Variants in PAX7 observed in about 807,000 individuals in gnomAD.
PAX7 encodes the protein paired box 7.
PAX7 carries 18 observed loss-of-function variants against 50.7 expected under a neutral mutation model. The ratio of observed to expected loss-of-function variants is 0.36; its 90% CI spans 0.25 to 0.53. PAX7 has a LOEUF of 0.53. Among genes scored for constraint, PAX7 ranks in the 20% least tolerant of loss-of-function variants. The probability of loss-of-function intolerance (pLI) is 0.93; values close to 1 mark genes in which losing one functional copy is unlikely to be tolerated. For missense variants in PAX7, 644 were observed against 702.9 expected (o/e 0.92, Z 0.95); for synonymous variants, 310 against 290.4 (o/e 1.07, Z -0.69).
chr1:18,647,999 C>T (rs545760855), intron 4 of PAX7, among the ~76,000 whole-genome samples: 54 of 152,202 alleles, frequency 3.5e-4, no homozygotes, highest in Non-Finnish European at 7.1e-4. Context: ...TCCTGGAGCC[C>T]AGTAGACACT....
At chr1:18,676,334 G>A (rs2088820876) in intron 4 of PAX7, among the ~76,000 whole-genome samples, 2 of 152,106 alleles carry the variant, frequency 1.3e-5, no homozygotes, top group African/African-American at 4.8e-5. Context: ...ATCCAGGCCA[G>A]CTGGAGAGGG....
intron 4 of PAX7, among the ~76,000 whole-genome samples, chr1:18,661,377 C>G (rs988185954): frequency 1.1e-4 from 16 of 152,186 alleles, no homozygotes; most frequent in Non-Finnish European, 2.1e-4. Context: ...GATCTCTCCT[C>G]CCACCCCAAA....
intron 4 of PAX7, among the ~76,000 whole-genome samples, chr1:18,646,592 G>C (rs2088343033): frequency 6.6e-6 from 1 of 152,076 alleles, no homozygotes; most frequent in Non-Finnish European, 1.5e-5. Context: ...TCCCCGGGGC[G>C]CCCCCTCCCC....
intron 7 of PAX7, among the ~76,000 whole-genome samples, chr1:18,713,376 G>A (rs1267735078): frequency 1.3e-5 from 2 of 152,166 alleles, no homozygotes; most frequent in African/African-American, 2.4e-5. Context: ...TTATAACTAG[G>A]TGTCTGGCAG....
chr1:18,648,325 C>T, intron 4 of PAX7, among the ~76,000 whole-genome samples: 1 of 148,864 alleles, frequency 6.7e-6, no homozygotes, highest in East Asian at 2.0e-4. Flanking sequence ...ATTCACTCTA[C>T]TACTTTATTT....
intron 4 of PAX7, among the ~76,000 whole-genome samples, chr1:18,652,559 G>A (rs905830685): frequency 2.0e-5 from 3 of 152,288 alleles, no homozygotes; most frequent in South Asian, 2.1e-4. Flanking sequence ...GGTGATATTT[G>A]ACCTGAAACC....
intron 4 of PAX7, among the ~76,000 whole-genome samples, chr1:18,656,240 T>A (rs2088517824): frequency 6.6e-6 from 1 of 152,210 alleles, no homozygotes; most frequent in Non-Finnish European, 1.5e-5. Context: ...ACGCCTGTAA[T>A]CCCAGCACTT....
At position 18,634,981 on chromosome 1, in the gene PAX7, G is replaced by A. The variant is rs539584877; in HGVS notation, c.322-130G>A. The A allele has an allele frequency of 1.7e-6, 2 of 1,164,376 alleles. No homozygotes were observed. Among genetic ancestry groups the A allele is most frequent in the Non-Finnish European group, 2.4e-6 (2 of 839,184 alleles). The allele number at this position is 1,164,376 out of a possible 1,614,324, so 72.1% of individuals were successfully genotyped here. ...CTTGAAAGGATAAAGCCAATCTCTT[G>A]GGGGATGGGGGGACACAAGGTAACC... On this transcript the variant is annotated intron_variant, in intron 2 of 8. Coordinates refer to ENST00000420770, the MANE Select transcript of PAX7 (RefSeq NM_001135254.2). The surrounding 1 kb of genome is among the most constrained non-coding windows in gnomAD (Gnocchi z 4.0).
chr1:18,634,404 G>A lies in PAX7; in HGVS notation c.187G>A (p.Ala63Thr). Residue 63 changes from alanine (A) to threonine (T), a missense_variant, in exon 2 of 9, where the codon GCC becomes ACC. Ala to Thr is a moderately conservative substitution (Grantham distance 58, BLOSUM62 0). Transcript: ENST00000420770. The surrounding 1 kb of genome is among the most constrained non-coding windows in gnomAD (Gnocchi z 4.0). ...NHIRHKIVEM[A>T]HHGIRPCVIS... ...CATCCGCCACAAGATAGTGGAGATG[G>A]CCCACCATGGCATCCGGCCCTGTGT... 6.2e-7 allele frequency: 1 copy of A among 1,614,156 alleles called. No individual in the cohort carries two copies.
At chr1:18,689,168 G>A (rs558854554) in intron 4 of PAX7, among the ~76,000 whole-genome samples, 119 of 152,288 alleles carry the variant, frequency 7.8e-4, no homozygotes, top group Admixed American at 2.4e-3. Context: ...CCCCATCCAC[G>A]GGCTGGCCTC....
rs1388793279 is a variant in PAX7 at position 18,710,335 on chromosome 1, G to T, written c.1155+7039G>T. 3.3e-5 allele frequency among the ~76,000 whole-genome samples: 5 copies of T among 152,176 alleles called. 1 individual carries two copies. The highest frequency in any genetic ancestry group is 1.2e-4 in the African/African-American group (5 of 41,420). On this transcript the variant is annotated intron_variant, in intron 7 of 8. Transcript: ENST00000420770. ...CAGTCCTCTTGCCCTAGGGAACTGA[G>T]CAGTGCCACTCACACAGTGGACACT...
chr1:18,745,385 C>T lies in PAX7; in HGVS notation c.*456C>T. 4.1e-6 allele frequency: 1 copy of T among 243,944 alleles called. No homozygotes were observed. The highest frequency in any genetic ancestry group is 1.5e-4 in the South Asian group (1 of 6,806). 15.1% of individuals were successfully genotyped at this position (243,944 alleles called of 1,614,324 possible). A position where few individuals can be genotyped will look rare whatever the true frequency, so the allele number is the denominator to read the frequency against. On this transcript the variant is annotated 3_prime_UTR_variant, in exon 9 of 9. Coordinates refer to ENST00000420770, the MANE Select transcript of PAX7 (RefSeq NM_001135254.2). ...TCAGCTGGATGTACTGGGAGCCAGC[C>T]CTGCAAGGAGGGTCTCTGGCTCAGT... is the stretch of plus-strand genomic sequence containing the variant.
chr1:18,718,705 C>T (rs924913271), intron 7 of PAX7, among the ~76,000 whole-genome samples: 2 of 151,480 alleles, frequency 1.3e-5, no homozygotes, highest in African/African-American at 2.4e-5. Flanking sequence ...TTCAGTGGCT[C>T]GATCTCAGCT....
intron 7 of PAX7, among the ~76,000 whole-genome samples, chr1:18,728,152 G>C (rs1405163068): frequency 6.6e-6 from 1 of 152,148 alleles, no homozygotes; most frequent in Non-Finnish European, 1.5e-5. Flanking sequence ...GGAGGGTGAA[G>C]GGCGCACAGG....
chr1:18,744,926 C>G lies in PAX7; in HGVS notation c.1515C>G (p.Tyr505Ter), dbSNP rs1407261837. The change falls in exon 9 of 9, where the codon TAC (tyrosine) becomes TAG (stop). Residue 505 changes from tyrosine to a stop codon, truncating the protein, a stop_gained. Coordinates refer to ENST00000420770, the MANE Select transcript of PAX7 (RefSeq NM_001135254.2). LOFTEE classifies it high-confidence loss of function. ...GLLPVETGQA[Y>*] ...TGCCTGTGGAAACTGGCCAGGCCTA[C>G]TAGGGCCCCTGGGGCGACTTGCCCC... The G allele has an allele frequency of 7.8e-6, 12 of 1,534,176 alleles. No individual in the cohort carries two copies. In the South Asian group the frequency reaches 1.4e-4, roughly 18 times the overall value.
intron 7 of PAX7, among the ~76,000 whole-genome samples, chr1:18,705,514 A>AC (rs1229126750): frequency 1.3e-5 from 2 of 152,126 alleles, no homozygotes; most frequent in African/African-American, 2.4e-5. Flanking sequence ...AATCCGGCGC[A>AC]CCTGACTCCA....
intron 8 of PAX7, 167 bp downstream of exon 8, chr1:18,736,045 C>A: frequency 6.9e-7 from 1 of 1,450,614 alleles, no homozygotes; most frequent in Admixed American, 1.9e-5. Context: ...CCTAAAATGA[C>A]ACTGAGTTGG....
intron 8 of PAX7, among the ~76,000 whole-genome samples, chr1:18,740,529 C>T (rs1261235038): frequency 2.6e-5 from 4 of 152,182 alleles, no homozygotes; most frequent in African/African-American, 9.7e-5. Context: ...AAGCATGGGG[C>T]AGTTGAAAGA....
intron 4 of PAX7, among the ~76,000 whole-genome samples, chr1:18,652,314 T>A (rs898626311): frequency 3.3e-5 from 5 of 152,106 alleles, no homozygotes; most frequent in South Asian, 4.1e-4. Context: ...CAAAATGTAT[T>A]GAGAACCCAC....
Sources: allele counts gnomAD v4.1 joint callset (sites outside exome capture counted in the v4.1 genomes callset), GRCh38; gene constraint gnomAD v4.1.1; non-coding constraint Gnocchi (gnomAD v3.1); transcripts MANE v1.5; gene names NCBI Gene and HGNC (gene_info 2026-07-23, HGNC 2026-07-21).